Variants in ABCB4 observed in about 807,000 individuals in gnomAD.
ABCB4 encodes the protein phosphatidylcholine translocator ABCB4.
Under a neutral mutation model 145.7 loss-of-function variants are expected in ABCB4, and 76 were observed. That is an observed-to-expected ratio of 0.52 (90% CI 0.43 to 0.63). The LOEUF is 0.63. ABCB4 is among the 30% of genes least tolerant of loss of function. The pLI, the probability that ABCB4 is intolerant of heterozygous loss-of-function variation, is 0.00. For missense variants in ABCB4, 1,234 were observed against 1,553.1 expected, an observed-to-expected ratio of 0.79 and a Z score of 3.45; for synonymous variants, 517 against 566.8, an observed-to-expected ratio of 0.91 and a Z score of 1.25.
the ABCB4 span, among the ~76,000 whole-genome samples, chr7:87,394,388 G>T: frequency 6.6e-6 from 1 of 152,082 alleles, no homozygotes; most frequent in Non-Finnish European, 1.5e-5. Flanking sequence ...AATACCATGG[G>T]ACCCACATGT....
intron 15 of ABCB4, among the ~76,000 whole-genome samples, chr7:87,428,620 G>A (rs957795714): frequency 1.3e-5 from 2 of 152,190 alleles, no homozygotes; most frequent in African/African-American, 4.8e-5. Context: ...CAAGAGAAGA[G>A]TGTATTTTCT....
At chr7:87,419,685 C>T (rs1809262882) in intron 19 of ABCB4, among the ~76,000 whole-genome samples, 2 of 150,448 alleles carry the variant, frequency 1.3e-5, no homozygotes, top group South Asian at 4.2e-4. Context: ...AGGGCCTGCA[C>T]AGGATCCAGA....
Position 87,453,140 on chromosome 7 carries a change from A to C in ABCB4, c.345-5T>G. On this transcript the variant is annotated splice_region_variant and splice_polypyrimidine_tract_variant and intron_variant, in intron 5 of 27. Transcript: ENST00000649586. ...CCTGAGTAGTAATATGCATATCTGA[A>C]AAAAAAGAGAAAGGCTCTATTAAAT... 7.4e-6 allele frequency: 12 copies of C among 1,612,912 alleles called. No individual in the cohort carries two copies. Among genetic ancestry groups the C allele is most frequent in the Non-Finnish European group, 1.0e-5 (12 of 1,179,086 alleles).
intron 14 of ABCB4, 41 bp from the exon 15 acceptor site, chr7:87,431,606 G>A: frequency 1.2e-6 from 2 of 1,612,250 alleles, no homozygotes; most frequent in African/African-American, 1.3e-5. Context: ...TTACAGTATT[G>A]GCACACTGTC....
chr7:87,384,200 G>C, the ABCB4 span, among the ~76,000 whole-genome samples: 1 of 152,052 alleles, frequency 6.6e-6, no homozygotes, highest in South Asian at 2.1e-4. Flanking sequence ...TCATATACTT[G>C]TTGGCTGTTT....
intron 14 of ABCB4, among the ~76,000 whole-genome samples, chr7:87,437,956 T>G (rs924123002): frequency 6.6e-6 from 1 of 152,234 alleles, no homozygotes; most frequent in Non-Finnish European, 1.5e-5. Flanking sequence ...ATTGAATGAA[T>G]TGACTTGTCC....
chr7:87,392,620 A>G, the ABCB4 span: 1 of 1,613,544 alleles, frequency 6.2e-7, no homozygotes, highest in South Asian at 1.1e-5. Context: ...TAATAAAATG[A>G]TGAAAGATTG....
chr7:87,411,796 T>G, intron 23 of ABCB4, 97 bp downstream of exon 23: 1 of 1,172,892 alleles, frequency 8.5e-7, no homozygotes, highest in Non-Finnish European at 1.2e-6. Context: ...GACCTCATCT[T>G]TGGACACAGG....
At chr7:87,382,625 T>C in the ABCB4 span, 1 of 1,416,442 alleles carries the variant, frequency 7.1e-7, no homozygotes, top group South Asian at 1.4e-5. Context: ...TCCTAACTCC[T>C]CAGTATTTTT....
chr7:87,407,999 A>G (rs776811744), intron 25 of ABCB4, 38 bp downstream of exon 25: 1 of 1,610,900 alleles, frequency 6.2e-7, no homozygotes, highest in Non-Finnish European at 8.5e-7. Flanking sequence ...GCCAATTAAA[A>G]TATAGCCTTC....
chr7:87,406,053 A>G, intron 26 of ABCB4: 1 of 578,800 alleles, frequency 1.7e-6, no homozygotes, highest in South Asian at 2.0e-5. Context: ...GCCCTCAACC[A>G]CCAGTCTGTA....
At chr7:87,381,151 C>T in the ABCB4 span, among the ~76,000 whole-genome samples, 1 of 152,148 alleles carries the variant, frequency 6.6e-6, no homozygotes, top group Non-Finnish European at 1.5e-5. Context: ...CTCCCAAGCT[C>T]GCAGTGTCAC....
upstream of ABCB4, chr7:87,476,008 C>A (rs940034710): frequency 6.6e-6 from 1 of 152,516 alleles, no homozygotes; most frequent in Non-Finnish European, 1.5e-5. Flanking sequence ...GCCACCCAAG[C>A]CCCTGCAGAT....
At chr7:87,427,322 C>T (rs972290500) in intron 15 of ABCB4, among the ~76,000 whole-genome samples, 1 of 152,006 alleles carries the variant, frequency 6.6e-6, no homozygotes, top group African/African-American at 2.4e-5. Context: ...AAAGCTGAAT[C>T]AAAGGGCCTG....
the ABCB4 span, among the ~76,000 whole-genome samples, chr7:87,386,246 G>T: frequency 6.6e-6 from 1 of 152,112 alleles, no homozygotes; most frequent in Non-Finnish European, 1.5e-5. Flanking sequence ...ATTGGTATTA[G>T]TTCTTTTTTT....
Position 87,440,262 on chromosome 7 carries a change from C to T in ABCB4, c.1497G>A (p.Met499Ile). 1 of 1,614,126 alleles carries T rather than the reference C, an allele frequency of 6.2e-7. No individual in the cohort carries two copies. The highest frequency in any genetic ancestry group is 1.1e-5 in the South Asian group (1 of 91,082). The change falls in exon 13 of 28, where the codon ATG becomes ATA. Residue 499 changes from methionine to isoleucine, a missense_variant. Transcript: ENST00000649586. ...NICYGRGNVT[M>I]DEIKKAVKEA... is the part of the protein sequence containing the mutation. ...CTTTGACAGCTTTCTTTATCTCATC[C>T]ATGGTTACATTTCCACGGCCATAAC...
At chr7:87,378,001 ACTGT>A in the ABCB4 span, among the ~76,000 whole-genome samples, 1 of 152,016 alleles carries the variant, frequency 6.6e-6, no homozygotes, top group African/African-American at 2.4e-5. Context: ...CTGTCTACTA[ACTGT>A]CTGATAGGCA....
downstream of ABCB4, chr7:87,399,595 A>G (rs1562943315): frequency 6.6e-6 from 1 of 152,252 alleles, no homozygotes; most frequent in African/African-American, 2.4e-5. Context: ...GTGGTGTATT[A>G]TAATTAGTTT....
chr7:87,421,648 C>T (rs1007169530), intron 18 of ABCB4, among the ~76,000 whole-genome samples: 2 of 152,202 alleles, frequency 1.3e-5, no homozygotes, highest in Non-Finnish European at 2.9e-5. Context: ...AGAAGTCTAA[C>T]TGGGTAGAAA....
Sources: allele counts gnomAD v4.1 joint callset (sites outside exome capture counted in the v4.1 genomes callset), GRCh38; gene constraint gnomAD v4.1.1; transcripts MANE v1.5; gene names NCBI Gene and HGNC (gene_info 2026-07-23, HGNC 2026-07-21).